The following MEIS1 variants were observed in gnomAD, a reference collection of about 807,000 sequenced individuals.
The protein encoded by MEIS1 is Meis homeobox 1.
Under a neutral mutation model 50.8 loss-of-function variants are expected in MEIS1, and 5 were observed. The ratio of observed to expected loss-of-function variants is 0.10; its 90% confidence interval spans 0.05 to 0.21. The LOEUF is 0.21. Among genes scored for constraint, MEIS1 ranks in the 10% least tolerant of loss-of-function variants. The pLI is 1.00. For missense variants in MEIS1, 318 were observed against 517.3 expected (o/e 0.61, Z 3.74); for synonymous variants, 176 against 179.3 (o/e 0.98, Z 0.15).
intron 6 of MEIS1, among the ~76,000 whole-genome samples, chr2:66,453,070 T>C (rs2103717161): frequency 6.6e-6 from 1 of 152,062 alleles, no homozygotes; most frequent in Admixed American, 6.6e-5. Context: ...CAAATTACCC[T>C]GCCATTTCAA....
intron 8 of MEIS1, among the ~76,000 whole-genome samples, chr2:66,544,133 CTT>C (rs1350254075): frequency 5.9e-5 from 9 of 152,210 alleles, no homozygotes; most frequent in Admixed American, 3.9e-4. Context: ...CTCTTTATCT[CTT>C]TTGCAAAGTG....
chr2:66,497,761 T>A (rs760052965), intron 7 of MEIS1, among the ~76,000 whole-genome samples: 7 of 152,192 alleles, frequency 4.6e-5, no homozygotes, highest in Non-Finnish European at 1.0e-4. Flanking sequence ...AAATTAAAAC[T>A]GCTGCAGAAA....
At chr2:66,540,890 A>T (rs997662748) in intron 8 of MEIS1, among the ~76,000 whole-genome samples, 8 of 152,134 alleles carry the variant, frequency 5.3e-5, no homozygotes, top group African/African-American at 1.9e-4. Context: ...AAAATTCCAA[A>T]TACAAAGGAC....
At chr2:66,436,726 A>T (rs943005100) in intron 1 of MEIS1, among the ~76,000 whole-genome samples, 3 of 152,210 alleles carry the variant, frequency 2.0e-5, no homozygotes, top group African/African-American at 7.2e-5. Flanking sequence ...AGGAGATGAA[A>T]GTGGCAATTC....
intron 10 of MEIS1, chr2:66,567,795 T>TC: frequency 1.7e-6 from 1 of 592,230 alleles, no homozygotes; most frequent in Admixed American, 2.9e-5. Flanking sequence ...AATGTTATTT[T>TC]TTTTCTGAGT....
intron 7 of MEIS1, among the ~76,000 whole-genome samples, chr2:66,484,724 A>AC (rs1673097331): frequency 1.4e-5 from 2 of 148,076 alleles, no homozygotes; most frequent in African/African-American, 5.2e-5. Flanking sequence ...ACACCTGGCT[A>AC]ATTTTTTTTA....
intron 1 of MEIS1, among the ~76,000 whole-genome samples, chr2:66,436,696 T>C (rs1671804250): frequency 6.6e-6 from 1 of 152,218 alleles, no homozygotes; most frequent in South Asian, 2.1e-4. Context: ...TTCCAAACTC[T>C]TTTCACACCT....
chr2:66,440,811 G>A, intron 4 of MEIS1, 199 bp downstream of exon 4: 1 of 577,184 alleles, frequency 1.7e-6, no homozygotes, highest in Non-Finnish European at 3.1e-6. Context: ...GAGAGGGGCC[G>A]GGCGAGCCAG....
At chr2:66,506,533 C>T (rs930596963) in intron 7 of MEIS1, among the ~76,000 whole-genome samples, 12 of 152,186 alleles carry the variant, frequency 7.9e-5, no homozygotes, top group Middle Eastern at 3.4e-3. Context: ...GGAGAGAGAT[C>T]GTGAAAGGCC....
intron 6 of MEIS1, among the ~76,000 whole-genome samples, chr2:66,446,860 G>C (rs1672164035): frequency 6.6e-6 from 1 of 152,266 alleles, no homozygotes; most frequent in Non-Finnish European, 1.5e-5. Flanking sequence ...GGCCGGGCCC[G>C]GTGCGCTTTG....
chr2:66,464,886 T>C (rs1317880420), intron 7 of MEIS1, among the ~76,000 whole-genome samples: 2 of 152,210 alleles, frequency 1.3e-5, no homozygotes, highest in Non-Finnish European at 2.9e-5. Context: ...AACATCAAGC[T>C]AGTCTTCAGC....
chr2:66,473,397 A>AAATATATATATAT, intron 7 of MEIS1, among the ~76,000 whole-genome samples: 7 of 107,582 alleles, frequency 6.5e-5, no homozygotes, highest in African/African-American at 3.5e-4. Flanking sequence ...AAAAAAAAAA[A>AAATATATATATAT]ATATATATAT....
At chr2:66,448,105 A>G (rs1362798993) in intron 6 of MEIS1, among the ~76,000 whole-genome samples, 2 of 152,230 alleles carry the variant, frequency 1.3e-5, no homozygotes, top group Non-Finnish European at 2.9e-5. Context: ...ATTAGAAAAC[A>G]TGGAGAATCT....
At chr2:66,528,629 A>G (rs181681770) in intron 8 of MEIS1, among the ~76,000 whole-genome samples, 3 of 151,672 alleles carry the variant, frequency 2.0e-5, no homozygotes, top group Non-Finnish European at 4.4e-5. Context: ...TCTTCTTCCC[A>G]CCTAGCTCCA....
At chr2:66,507,704 C>T (rs1390196865) in intron 7 of MEIS1, among the ~76,000 whole-genome samples, 1 of 152,152 alleles carries the variant, frequency 6.6e-6, no homozygotes, top group South Asian at 2.1e-4. Context: ...TTTGACCTGC[C>T]GGAGAGGAGC....
At chr2:66,460,908 A>T (rs552142167) in intron 6 of MEIS1, among the ~76,000 whole-genome samples, 16 of 152,230 alleles carry the variant, frequency 1.1e-4, no homozygotes, top group African/African-American at 3.6e-4. Flanking sequence ...ATCCACATAA[A>T]CCCAAATATT....
chr2:66,442,890 G>C lies in MEIS1; in HGVS notation c.484-12G>C. ...ATTATATTCCCATTTTTTTATTTCT[G>C]TCATAATGTAGGTACACGAATTATG... On this transcript the variant is annotated splice_polypyrimidine_tract_variant and intron_variant, in intron 5 of 12. Coordinates refer to ENST00000272369, the MANE Select transcript of MEIS1 (RefSeq NM_002398.3). 5 of 1,570,352 alleles carry C rather than the reference G, an allele frequency of 3.2e-6. No homozygotes were observed. Among genetic ancestry groups the C allele is most frequent in the Non-Finnish European group, 4.3e-6 (5 of 1,164,950 alleles).
At chr2:66,514,215 T>G (rs1476502974) in intron 8 of MEIS1, among the ~76,000 whole-genome samples, 1 of 152,172 alleles carries the variant, frequency 6.6e-6, no homozygotes, top group African/African-American at 2.4e-5. Context: ...TAATCAAATA[T>G]TGGTTCAGAC....
chr2:66,534,692 T>C (rs1674477264), intron 8 of MEIS1, among the ~76,000 whole-genome samples: 1 of 152,202 alleles, frequency 6.6e-6, no homozygotes, highest in South Asian at 2.1e-4. Context: ...AGAACTCATT[T>C]AGGAAGGGAA....
Sources: gnomAD v4.1 joint callset for allele counts (sites outside exome capture counted in the v4.1 genomes callset) on GRCh38, gnomAD v4.1.1 for gene constraint, MANE v1.5 for transcripts, NCBI Gene and HGNC (gene_info 2026-07-23, HGNC 2026-07-21) for gene names.